RTL4: variants seen among roughly 807,000 people sequenced by gnomAD.
RTL4 encodes the protein retrotransposon Gag like 4.
In RTL4, 4 loss-of-function variants were observed where a neutral mutation model predicts 5.3. The ratio of observed to expected loss-of-function variants is 0.75; its 90% CI spans 0.37 to 1.72. The LOEUF (loss-of-function observed/expected upper bound fraction) is 1.72, where lower values mean the gene tolerates loss of function less well. Ranked by LOEUF, RTL4 falls within the 40% of genes most tolerant of loss-of-function variation. The pLI is 0.04. For synonymous variants in RTL4, 98 were observed against 87.3 expected (o/e 1.12, Z -0.68); for missense variants, 260 against 227.1 (o/e 1.14, Z -0.93).
At chrX:112,415,055 G>A in the RTL4 span, among the ~76,000 whole-genome samples, 6 of 110,992 alleles carry the variant, frequency 5.4e-5, no homozygotes, top group Admixed American at 5.8e-4. Flanking sequence ...AGGTCAAATG[G>A]TACAAATTTT....
At chrX:112,213,599 A>G in the RTL4 span, among the ~76,000 whole-genome samples, 2 of 112,430 alleles carry the variant, frequency 1.8e-5, no homozygotes, top group African/African-American at 3.2e-5. Context: ...GCTCCAGACT[A>G]TATGGATTTC....
the RTL4 span, among the ~76,000 whole-genome samples, chrX:112,386,200 G>A: frequency 1.8e-5 from 2 of 111,192 alleles, no homozygotes; most frequent in South Asian, 7.6e-4. Context: ...ATCATATCAG[G>A]GTAAATGGCG....
the RTL4 span, among the ~76,000 whole-genome samples, chrX:112,290,953 T>C: frequency 8.9e-6 from 1 of 112,053 alleles, no homozygotes; most frequent in South Asian, 3.7e-4. Context: ...GGCTATTAAA[T>C]GGGATATGGT....
chrX:112,212,314 T>C, the RTL4 span, among the ~76,000 whole-genome samples: 4 of 111,504 alleles, frequency 3.6e-5, no homozygotes, highest in Non-Finnish European at 7.5e-5. Context: ...GAGGCGGAGC[T>C]TGCAGTGAGC....
the RTL4 span, among the ~76,000 whole-genome samples, chrX:112,085,725 G>T: frequency 8.9e-6 from 1 of 111,763 alleles, no homozygotes; most frequent in South Asian, 3.8e-4. Flanking sequence ...CATATAGAAT[G>T]AGTGCCATTT....
chrX:112,283,517 GCAGGGTTATGGTATCACCAA>G, the RTL4 span, among the ~76,000 whole-genome samples: 1 of 110,958 alleles, frequency 9.0e-6, no homozygotes, highest in Non-Finnish European at 1.9e-5. Flanking sequence ...AAACTACCCC[GCAGGGTTATGGTATCACCAA>G]CAGGATCAGA....
At chrX:112,308,498 G>C in the RTL4 span, among the ~76,000 whole-genome samples, 2 of 111,577 alleles carry the variant, frequency 1.8e-5, no homozygotes, top group Admixed American at 9.7e-5. Context: ...AGCAATTGTA[G>C]CTCTCTGATT....
chrX:112,291,403 CACACACAT>C, the RTL4 span, among the ~76,000 whole-genome samples: 5 of 107,799 alleles, frequency 4.6e-5, no homozygotes, highest in African/African-American at 6.8e-5. Context: ...CACACACACA[CACACACAT>C]GCACACATTG....
At chrX:112,438,825 A>G in the RTL4 span, among the ~76,000 whole-genome samples, 1 of 112,133 alleles carries the variant, frequency 8.9e-6, no homozygotes, top group Non-Finnish European at 1.9e-5. Flanking sequence ...TAATATGCAC[A>G]TGAGACCAGA....
chrX:112,301,822 A>C, the RTL4 span, among the ~76,000 whole-genome samples: 1 of 109,605 alleles, frequency 9.1e-6, no homozygotes, highest in South Asian at 4.0e-4. Context: ...TAAATTGCCC[A>C]TGCCCGATGG....
chrX:112,410,367 A>C, the RTL4 span, among the ~76,000 whole-genome samples: 2 of 112,099 alleles, frequency 1.8e-5, no homozygotes, highest in Non-Finnish European at 3.8e-5. Context: ...CTTAATCTGC[A>C]CTGTAGACCA....
the RTL4 span, among the ~76,000 whole-genome samples, chrX:112,267,955 C>G: frequency 9.0e-6 from 1 of 111,598 alleles, no homozygotes; most frequent in South Asian, 3.8e-4. Flanking sequence ...TTACTTGACT[C>G]TCTGCTTCTC....
chrX:112,176,578 T>A, the RTL4 span, among the ~76,000 whole-genome samples: 1 of 111,374 alleles, frequency 9.0e-6, no homozygotes, highest in South Asian at 3.8e-4. Context: ...TATAACATAT[T>A]TTTGAGGTAT....
chrX:112,113,247 G>A, the RTL4 span, among the ~76,000 whole-genome samples: 8 of 110,285 alleles, frequency 7.3e-5, no homozygotes, highest in Non-Finnish European at 1.5e-4. Flanking sequence ...CCAAACTTCA[G>A]GGTTCATTCC....
At chrX:112,113,578 G>A in the RTL4 span, among the ~76,000 whole-genome samples, 659 of 111,097 alleles carry the variant, frequency 5.9e-3, 7 homozygotes, top group African/African-American at 0.02. Flanking sequence ...AATGTACCCA[G>A]GGCCCAGTGA....
chrX:112,356,174 T>C, the RTL4 span, among the ~76,000 whole-genome samples: 1 of 111,268 alleles, frequency 9.0e-6, no homozygotes. Flanking sequence ...TTATAAACAC[T>C]TGTGGGGGAG....
the RTL4 span, among the ~76,000 whole-genome samples, chrX:112,139,061 A>C: frequency 4.5e-5 from 5 of 111,568 alleles, no homozygotes; most frequent in African/African-American, 1.6e-4. Context: ...CTTTTGAAGC[A>C]TATTTGTCAA....
At chrX:112,212,664 T>C in the RTL4 span, among the ~76,000 whole-genome samples, 2 of 112,397 alleles carry the variant, frequency 1.8e-5, no homozygotes, top group Non-Finnish European at 3.8e-5. Flanking sequence ...TCTGAGGTTC[T>C]GAGAGAGGGT....
At chrX:112,259,579 C>T in the RTL4 span, among the ~76,000 whole-genome samples, 1 of 110,407 alleles carries the variant, frequency 9.1e-6, no homozygotes, top group African/African-American at 3.3e-5. Context: ...AAAAGCACTT[C>T]ACACAGTGCC....
Sources: allele counts gnomAD v4.1 joint callset (sites outside exome capture counted in the v4.1 genomes callset), GRCh38; gene constraint gnomAD v4.1.1; transcripts MANE v1.5; gene names NCBI Gene and HGNC (gene_info 2026-07-23, HGNC 2026-07-21).